Variants in RBSN observed in about 807,000 individuals in gnomAD.
RBSN encodes rabenosyn-5.
RBSN carries 34 observed loss-of-function variants against 60.5 expected under a neutral mutation model. That is an observed-to-expected ratio of 0.56 (90% CI 0.43 to 0.75). RBSN has a LOEUF of 0.75. RBSN is among the 30% of genes least tolerant of loss of function. The pLI is 0.00. For synonymous variants in RBSN, 322 were observed against 366.9 expected, an observed-to-expected ratio of 0.88 and a Z score of 1.40; for missense variants, 845 against 986.8, an observed-to-expected ratio of 0.86 and a Z score of 1.92.
rs758701528 is a variant in RBSN, at chr3:15,074,787, C to G, written c.1350G>C (p.Gln450His). 1 of 1,614,262 alleles carries G rather than the reference C, an allele frequency of 6.2e-7. No homozygotes were observed. Among genetic ancestry groups the G allele is most frequent in the Non-Finnish European group, 8.5e-7 (1 of 1,180,050 alleles). The change falls in exon 14 of 14, where the codon CAG (glutamine) becomes CAC (histidine). Residue 450 changes from glutamine to histidine, a missense_variant. Coordinates refer to ENST00000253699, the MANE Select transcript of RBSN (RefSeq NM_022340.4). The surrounding 1 kb of genome is among the most constrained non-coding windows in gnomAD (Gnocchi z 6.4). ...AEGWLPLSGGQGQSEDSDPLL... is the reference protein window; with the variant it reads ...AEGWLPLSGGHGQSEDSDPLL... ...GCGGGTCTGAGTCCTCACTCTGCCC[C>G]TGACCTCCTGACAGTGGGAGCCAGC...
chr3:15,090,642 G>A (rs1443898556), intron 4 of RBSN, 103 bp from the exon 5 acceptor site: 9 of 1,469,500 alleles, frequency 6.1e-6, no homozygotes, highest in Non-Finnish European at 7.3e-6. Flanking sequence ...ATTATCGTTT[G>A]TTTAAAAATG....
At chr3:15,086,225 T>C (rs1276901631) in intron 5 of RBSN, 1 of 331,726 alleles carries the variant, frequency 3.0e-6, no homozygotes, top group African/African-American at 2.1e-5. Flanking sequence ...ATCCCACCAC[T>C]GTACTCCAGC....
chr3:15,080,632 G>T (rs879134636), intron 10 of RBSN, 100 bp downstream of exon 10: 1 of 1,211,910 alleles, frequency 8.3e-7, no homozygotes, highest in Non-Finnish European at 1.2e-6. Flanking sequence ...AAAAAAGCAC[G>T]GTTGAAGTTA....
At chr3:15,075,957 C>G (rs903001675) in intron 12 of RBSN, among the ~76,000 whole-genome samples, 2 of 152,110 alleles carry the variant, frequency 1.3e-5, no homozygotes, top group African/African-American at 4.8e-5. Flanking sequence ...ATGTTAGCTT[C>G]TCTATGAGGT....
chr3:15,098,564 G>A (rs1243970228), intron 1 of RBSN, among the ~76,000 whole-genome samples: 3 of 146,706 alleles, frequency 2.0e-5, no homozygotes, highest in Non-Finnish European at 4.5e-5. Context: ...TCCCACAGCC[G>A]CACTCAACCC....
Position 15,082,505 on chromosome 3 carries a change from C to T in RBSN, c.702G>A (p.Met234Ile). ...CATCCAGGACCGAGCTGACACTGCT[C>T]ATGCTGCTGATGCTGCCTCGGCGGG... The part of the protein sequence containing the change: ...HGSRRGSISS[M>I]SSVSSVLDEK... The change falls in exon 9 of 14, where the codon ATG becomes ATA. Residue 234 changes from methionine to isoleucine, a missense_variant. Transcript: ENST00000253699. This position sits in a 1 kb window ranked among gnomAD's most constrained non-coding sequence, Gnocchi z 4.2. 1 of 1,614,186 alleles carries T rather than the reference C, an allele frequency of 6.2e-7. No homozygotes were observed.
intron 10 of RBSN, among the ~76,000 whole-genome samples, chr3:15,078,838 T>C (rs2043134546): frequency 7.3e-6 from 1 of 137,096 alleles, no homozygotes; most frequent in African/African-American, 2.8e-5. Flanking sequence ...GGTTTTGTTT[T>C]AAATATATAT....
At chr3:15,090,706 A>C (rs556038097) in intron 4 of RBSN, among the ~76,000 whole-genome samples, 167 bp from the exon 5 acceptor site, 1 of 152,224 alleles carries the variant, frequency 6.6e-6, no homozygotes, top group African/African-American at 2.4e-5. Context: ...CACAAACACT[A>C]TATTACAAAT....
At position 15,070,451 on chromosome 3, in the gene RBSN, A is replaced by T. The variant is rs1272902059; in HGVS notation, c.*3331T>A. 6.6e-6 allele frequency: 1 copy of T among 152,634 alleles called. No homozygotes were observed. The highest frequency in any genetic ancestry group is 2.4e-5 in the African/African-American group (1 of 41,434). The allele number at this position is 152,634 out of a possible 1,614,324, so 9.5% of individuals were successfully genotyped here. On this transcript the variant is annotated 3_prime_UTR_variant, in exon 14 of 14. Coordinates refer to ENST00000253699, the MANE Select transcript of RBSN (RefSeq NM_022340.4). ...TAAGTCTCTTCCATCTTTTCTCATG[A>T]TCTGTGTCTAGGGAGATCTGCTATG... is the stretch of plus-strand genomic sequence containing the variant.
At chr3:15,080,984 AAAGT>A (rs1261585434) in intron 9 of RBSN, 182 bp from the exon 10 acceptor site, 3 of 582,428 alleles carry the variant, frequency 5.2e-6, no homozygotes, top group African/African-American at 3.7e-5. Context: ...GGAAGGAAAG[AAAGT>A]GAGAATGGAG....
rs34790907 is a variant in RBSN at position 15,082,490 on chromosome 3, C to G, written c.717G>C (p.Ser239=). 6.2e-7 allele frequency: 1 copy of G among 1,614,008 alleles called. No homozygotes were observed. Among genetic ancestry groups the G allele is most frequent in the Non-Finnish European group, 8.5e-7 (1 of 1,180,026 alleles). The part of the protein sequence containing the change: ...GSISSMSSVS[S]VLDEKDDDRI... ...GGTCATCGTCCTTCTCATCCAGGAC[C>G]GAGCTGACACTGCTCATGCTGCTGA... Residue 239 remains serine (S), a synonymous_variant, in exon 9 of 14, where the codon TCG becomes TCC. Coordinates refer to ENST00000253699, the MANE Select transcript of RBSN (RefSeq NM_022340.4). The surrounding 1 kb of genome is among the most constrained non-coding windows in gnomAD (Gnocchi z 4.2).
rs541626658 is a variant in RBSN, at chr3:15,091,737, T to A, written c.149-1198A>T. On this transcript the variant is annotated intron_variant, in intron 4 of 13. Coordinates refer to ENST00000253699, the MANE Select transcript of RBSN (RefSeq NM_022340.4). ...TTACAGGTAACAGCAGGGCTGGAAGTAGACACCTCATGTGCCTGAAATGAG... is the reference window on the plus strand; with the variant it reads ...TTACAGGTAACAGCAGGGCTGGAAGAAGACACCTCATGTGCCTGAAATGAG... Among the ~76,000 whole-genome samples, 23 of 152,348 alleles carry A rather than the reference T, an allele frequency of 1.5e-4. No homozygotes were observed. In the South Asian group the frequency reaches 2.1e-3, roughly 14 times the overall value.
chr3:15,083,157 G>A (rs1418553469), intron 8 of RBSN, among the ~76,000 whole-genome samples: 6 of 152,122 alleles, frequency 3.9e-5, no homozygotes, highest in Non-Finnish European at 8.8e-5. Context: ...ATATCCAGCA[G>A]GGCCACCCCA....
chr3:15,073,325 T>A lies in RBSN; in HGVS notation c.*457A>T, dbSNP rs2042963636. 1 of 160,114 alleles carries A rather than the reference T, an allele frequency of 6.2e-6. No individual in the cohort carries two copies. The highest frequency in any genetic ancestry group is 6.0e-5 in the Admixed American group (1 of 16,546). The allele number at this position is 160,114 out of a possible 1,614,324, so 9.9% of individuals were successfully genotyped here. A position where few individuals can be genotyped will look rare whatever the true frequency, so the allele number is the denominator to read the frequency against. ...CAGAGCAGAATAGAGCTCAGTGGAA[T>A]CTATCTTCTCTGTCTTGGCTAAAGG... On this transcript the variant is annotated 3_prime_UTR_variant, in exon 14 of 14. Transcript: ENST00000253699.
chr3:15,094,646 C>T (rs2043604268), intron 4 of RBSN, among the ~76,000 whole-genome samples: 1 of 152,308 alleles, frequency 6.6e-6, no homozygotes, highest in South Asian at 2.1e-4. Context: ...GTTCTATAGC[C>T]TCTACAGCCA....
chr3:15,075,381 G>A (rs2125153045), intron 13 of RBSN: 1 of 668,946 alleles, frequency 1.5e-6, no homozygotes, highest in East Asian at 3.0e-5. Flanking sequence ...TTCTAGCCAT[G>A]AGAGAATCAG....
chr3:15,097,865 T>A (rs1268362731), intron 2 of RBSN, among the ~76,000 whole-genome samples: 1 of 152,288 alleles, frequency 6.6e-6, no homozygotes. Context: ...ACCAGGTCCC[T>A]ATTTTTTCCC....
At chr3:15,098,598 C>G (rs568676231) in intron 1 of RBSN, among the ~76,000 whole-genome samples, 58 of 152,114 alleles carry the variant, frequency 3.8e-4, no homozygotes, top group Non-Finnish European at 7.6e-4. Context: ...CAACCACAAC[C>G]CACATAACTA....
chr3:15,089,207 T>G (rs1575103344), intron 5 of RBSN, among the ~76,000 whole-genome samples: 1 of 152,124 alleles, frequency 6.6e-6, no homozygotes, highest in Non-Finnish European at 1.5e-5. Context: ...GGCTCACACC[T>G]GTAATCCTGG....
Sources: gnomAD v4.1 joint callset for allele counts (sites outside exome capture counted in the v4.1 genomes callset) on GRCh38, gnomAD v4.1.1 for gene constraint, Gnocchi (gnomAD v3.1) non-coding constraint, MANE v1.5 for transcripts, NCBI Gene and HGNC (gene_info 2026-07-23, HGNC 2026-07-21) for gene names.